AGK: variants seen among roughly 807,000 people sequenced by gnomAD.
The protein encoded by AGK is acylglycerol kinase.
A neutral mutation model predicts 66.4 loss-of-function variants in AGK; 52 were observed. That is an observed-to-expected ratio of 0.78 (90% confidence interval 0.63 to 0.99). AGK has a LOEUF of 0.99. Ranked by LOEUF, AGK falls within the 50% of genes least tolerant of loss-of-function variation. AGK has a pLI of 0.00. For synonymous variants in AGK, 182 were observed against 181.1 expected (o/e 1.00, Z -0.04); for missense variants, 451 against 506.6 (o/e 0.89, Z 1.05).
intron 9 of AGK, among the ~76,000 whole-genome samples, chr7:141,625,808 G>T (rs994059863): frequency 2.6e-5 from 4 of 151,880 alleles, no homozygotes; most frequent in Non-Finnish European, 4.4e-5. Flanking sequence ...TGGTCATCTT[G>T]CAATCTTAGC....
At position 141,580,705 on chromosome 7, in the gene AGK, C is replaced by T. The variant is rs117837874; in HGVS notation, c.102-12441C>T. Among the ~76,000 whole-genome samples, 181 of 152,088 alleles carry T rather than the reference C, an allele frequency of 1.2e-3. 3 individuals are homozygous for T. In the East Asian group the frequency reaches 0.03, roughly 25 times the overall value. ...TATTAAGGCAGCAGCAGCCACTGCA[C>T]GCAGACCATGAGGGCTAGGCTAAAA... On this transcript the variant is annotated intron_variant, in intron 2 of 15. Transcript: ENST00000649286.
chr7:141,578,509 A>G (rs1233412018), intron 2 of AGK, among the ~76,000 whole-genome samples: 5 of 151,772 alleles, frequency 3.3e-5, no homozygotes, highest in African/African-American at 1.2e-4. Context: ...GAAAAATAAC[A>G]TAAAATAGTA....
chr7:141,640,081 C>G (rs1797255658), intron 11 of AGK, among the ~76,000 whole-genome samples: 1 of 152,070 alleles, frequency 6.6e-6, no homozygotes, highest in South Asian at 2.1e-4. Flanking sequence ...ACAATAAAAC[C>G]CCTCTCTTCC....
At position 141,555,195 on chromosome 7, in the gene AGK, A is replaced by C. The variant is rs117307853; in HGVS notation, c.-14-258A>C. On this transcript the variant is annotated intron_variant, in intron 1 of 15. Transcript: ENST00000649286. This position sits in a 1 kb window ranked among gnomAD's most constrained non-coding sequence, Gnocchi z 4.2. ...AAGAAATAGTGATCAGAGAGGGAAG[A>C]AGTATAGGTTAGGTGGAAATACGTG... is the stretch of plus-strand genomic sequence containing the variant. Among the ~76,000 whole-genome samples the C allele has an allele frequency of 4.1e-3, 623 of 152,246 alleles. 2 individuals carry two copies. Among genetic ancestry groups the C allele is most frequent in the Non-Finnish European group, 7.5e-3 (512 of 68,020 alleles).
chr7:141,599,185 C>T (rs1396844206), intron 4 of AGK: 1 of 152,096 alleles, frequency 6.6e-6, no homozygotes, highest in African/African-American at 2.4e-5. Flanking sequence ...TGTCCTGACA[C>T]ATAATTTATA....
At position 141,615,486 on chromosome 7, in the gene AGK, A is replaced by C. The variant is rs546064077; in HGVS notation, c.439A>C (p.Ile147Leu). The C allele has an allele frequency of 6.2e-7, 1 of 1,613,612 alleles. No homozygotes were observed. The highest frequency in any genetic ancestry group is 1.3e-5 in the African/African-American group (1 of 75,018). The change falls in exon 8 of 16, where the codon ATT becomes CTT. Residue 147 changes from isoleucine to leucine, a missense_variant. Physicochemically the swap from Ile to Leu is conservative, Grantham distance 5 (BLOSUM62 2). Transcript: ENST00000649286. The part of the protein sequence containing the change: ...RRTDEATFSK[I>L]PIGFIPLGET... ...CCCCCCCCAGGCTACCTTCAGTAAG[A>C]TTCCCATTGGATTTATCCCACTGGG...
chr7:141,627,883 T>C (rs1325163439), intron 9 of AGK, among the ~76,000 whole-genome samples: 1 of 152,204 alleles, frequency 6.6e-6, no homozygotes, highest in African/African-American at 2.4e-5. Context: ...TGCTGTGCTT[T>C]CATTTATTTA....
At chr7:141,562,838 G>T (rs1261843959) in intron 2 of AGK, among the ~76,000 whole-genome samples, 2 of 152,184 alleles carry the variant, frequency 1.3e-5, no homozygotes, top group Non-Finnish European at 2.9e-5. Flanking sequence ...TCACAATGTT[G>T]GTGGCTCCTG....
intron 9 of AGK, among the ~76,000 whole-genome samples, chr7:141,626,768 G>C (rs1456287942): frequency 3.3e-5 from 5 of 152,168 alleles, no homozygotes. Context: ...ATAACTAACT[G>C]CAGTACAAGA....
At chr7:141,643,783 C>T (rs1181759537) in intron 13 of AGK, among the ~76,000 whole-genome samples, 1 of 151,980 alleles carries the variant, frequency 6.6e-6, no homozygotes, top group African/African-American at 2.4e-5. Flanking sequence ...GGTAAGGAGA[C>T]AGAGTGATTT....
At chr7:141,638,048 A>C (rs1797211462) in intron 11 of AGK, among the ~76,000 whole-genome samples, 1 of 152,214 alleles carries the variant, frequency 6.6e-6, no homozygotes, top group Non-Finnish European at 1.5e-5. Flanking sequence ...ATTTAAATGG[A>C]ATATAAACTG....
rs1797187879 is a variant in AGK, at chr7:141,636,997, C to T, written c.706C>T (p.His236Tyr). The change falls in exon 11 of 16, where the codon CAC becomes TAC. Residue 236 changes from histidine to tyrosine, a missense_variant. Transcript: ENST00000649286. Reference sequence around the variant, plus strand: ...TGGGCCTCTAAAAATCAAAGCAGCCCACTTTTTCAGCACTCTTAAGGTAAA... The same window carrying T: ...TGGGCCTCTAAAAATCAAAGCAGCCTACTTTTTCAGCACTCTTAAGGTAAA... ...YLGPLKIKAA[H>Y]FFSTLKEWPQ... 6.2e-7 allele frequency: 1 copy of T among 1,612,492 alleles called. No individual in the cohort carries two copies. The highest frequency in any genetic ancestry group is 1.3e-5 in the African/African-American group (1 of 74,826).
At chr7:141,584,931 A>T (rs745751831) in intron 2 of AGK, among the ~76,000 whole-genome samples, 9 of 152,196 alleles carry the variant, frequency 5.9e-5, no homozygotes, top group Non-Finnish European at 1.0e-4. Flanking sequence ...TCATGACATT[A>T]GGAAACTTCT....
chr7:141,649,378 C>CTGAATAGTAAAATCTGAGAA, intron 14 of AGK, 45 bp downstream of exon 14: 1 of 1,415,126 alleles, frequency 7.1e-7, no homozygotes, highest in Non-Finnish European at 1.0e-6. Flanking sequence ...GTGATTTTCT[C>CTGAATAGTAAAATCTGAGAA]AGATTTTACT....
chr7:141,635,186 G>A (rs140618641), intron 10 of AGK, among the ~76,000 whole-genome samples: 1,960 of 152,264 alleles, frequency 0.013, 30 homozygotes, highest in African/African-American at 0.035. Flanking sequence ...CCCATATCTC[G>A]ATTGGTTTCT....
intron 3 of AGK, among the ~76,000 whole-genome samples, chr7:141,595,013 T>G (rs771529133): frequency 6.6e-6 from 1 of 152,260 alleles, no homozygotes; most frequent in Non-Finnish European, 1.5e-5. Context: ...ATCTCACAAA[T>G]GGAAGTGGAT....
rs1030471719 is a variant in AGK at position 141,651,571 on chromosome 7, T to C, written c.1093T>C (p.Cys365Arg). 1 of 1,614,018 alleles carries C rather than the reference T, an allele frequency of 6.2e-7. No homozygotes were observed. ...CAAGCTGCACGTGGAGGGCACGGAGTGTCTCCAAGCCAGCCAGTGCACTTT... is the reference window on the plus strand; with the variant it reads ...CAAGCTGCACGTGGAGGGCACGGAGCGTCTCCAAGCCAGCCAGTGCACTTT... ...NPKLHVEGTE[C>R]LQASQCTLLI... Residue 365 changes from cysteine (C) to arginine (R), a missense_variant, in exon 15 of 16, where the codon TGT becomes CGT. Coordinates refer to ENST00000649286, the MANE Select transcript of AGK (RefSeq NM_018238.4).
At chr7:141,646,908 G>A (rs143913545) in intron 13 of AGK, among the ~76,000 whole-genome samples, 1 of 152,184 alleles carries the variant, frequency 6.6e-6, no homozygotes, top group Non-Finnish European at 1.5e-5. Context: ...CCCTGTTCTA[G>A]CTGAAGTGTG....
chr7:141,554,238 T>C (rs1327910210), intron 1 of AGK, among the ~76,000 whole-genome samples: 1 of 151,830 alleles, frequency 6.6e-6, no homozygotes, highest in Non-Finnish European at 1.5e-5. Flanking sequence ...TCCCAGCTAC[T>C]TGGGAGGCTG....
Sources: gnomAD v4.1 joint callset for allele counts (sites outside exome capture counted in the v4.1 genomes callset) on GRCh38, gnomAD v4.1.1 for gene constraint, Gnocchi (gnomAD v3.1) non-coding constraint, MANE v1.5 for transcripts, NCBI Gene and HGNC (gene_info 2026-07-23, HGNC 2026-07-21) for gene names.